The following TMEM132C variants were observed in gnomAD, a reference collection of about 807,000 sequenced individuals.
TMEM132C encodes the protein protein phosphatase 1, regulatory subunit 152.
A neutral mutation model predicts 61.4 loss-of-function variants in TMEM132C; 29 were observed. The observed-to-expected ratio is 0.47, with a 90% CI of 0.35 to 0.64. The LOEUF (loss-of-function observed/expected upper bound fraction) is 0.64. Ranked by LOEUF, TMEM132C falls within the 30% of genes least tolerant of loss-of-function variation. TMEM132C has a pLI of 0.00. For synonymous variants in TMEM132C, 656 were observed against 633.1 expected (o/e 1.04, Z -0.54); for missense variants, 1,408 against 1,476.9 (o/e 0.95, Z 0.76).
intron 3 of TMEM132C, among the ~76,000 whole-genome samples, chr12:128,553,307 C>G (rs1207301087): frequency 6.6e-6 from 1 of 151,852 alleles, no homozygotes; most frequent in Non-Finnish European, 1.5e-5. Context: ...CTTCTCCTTA[C>G]CTTTTTATTA....
intron 2 of TMEM132C, among the ~76,000 whole-genome samples, chr12:128,534,332 G>C (rs1221712192): frequency 6.6e-6 from 1 of 152,220 alleles, no homozygotes; most frequent in Non-Finnish European, 1.5e-5. Context: ...ACCAAGTCCA[G>C]CCCTTGCCTG....
intron 2 of TMEM132C, among the ~76,000 whole-genome samples, chr12:128,530,479 T>C (rs1019089647): frequency 1.2e-4 from 19 of 152,024 alleles, no homozygotes; most frequent in African/African-American, 4.6e-4. Context: ...AGTCTCACTC[T>C]GTTGCCCAGG....
intron 2 of TMEM132C, among the ~76,000 whole-genome samples, chr12:128,476,131 A>T (rs578214126): frequency 1.3e-5 from 2 of 152,324 alleles, no homozygotes; most frequent in East Asian, 3.9e-4. Context: ...GTCTCTGATC[A>T]TCCCTGCATT....
chr12:128,607,482 C>T (rs1876468685), intron 3 of TMEM132C, among the ~76,000 whole-genome samples: 1 of 152,148 alleles, frequency 6.6e-6, no homozygotes, highest in Non-Finnish European at 1.5e-5. Context: ...GGGGTTAGGG[C>T]CGAAATGGGC....
chr12:128,554,768 C>T (rs1375550957), intron 3 of TMEM132C, among the ~76,000 whole-genome samples: 3 of 152,144 alleles, frequency 2.0e-5, no homozygotes, highest in South Asian at 2.1e-4. Flanking sequence ...ATCGCACAGA[C>T]GCTCCTGTAT....
chr12:128,470,593 C>T (rs1162035389), intron 2 of TMEM132C, among the ~76,000 whole-genome samples: 1 of 152,142 alleles, frequency 6.6e-6, no homozygotes, highest in Non-Finnish European at 1.5e-5. Context: ...CAATCACATA[C>T]ACACTAAAGA....
intron 1 of TMEM132C, among the ~76,000 whole-genome samples, chr12:128,363,700 C>T (rs1012027097): frequency 6.6e-6 from 1 of 152,028 alleles, no homozygotes; most frequent in African/African-American, 2.4e-5. Flanking sequence ...AAAAAATTAG[C>T]TGGGCGTGGT....
At chr12:128,704,567 G>A (rs998272305) in intron 8 of TMEM132C, among the ~76,000 whole-genome samples, 1 of 152,178 alleles carries the variant, frequency 6.6e-6, no homozygotes, top group South Asian at 2.1e-4. Context: ...AATTCACTGG[G>A]GGCAGTGCAG....
intron 1 of TMEM132C, among the ~76,000 whole-genome samples, chr12:128,320,290 C>T (rs1278380633): frequency 6.6e-6 from 1 of 152,042 alleles, no homozygotes; most frequent in Non-Finnish European, 1.5e-5. Flanking sequence ...GTCTACAAAT[C>T]TCCATTTTGT....
chr12:128,451,733 G>A (rs550620170), intron 2 of TMEM132C, among the ~76,000 whole-genome samples: 155 of 152,248 alleles, frequency 1.0e-3, no homozygotes, highest in Non-Finnish European at 1.5e-3. Context: ...CCTGATGGGT[G>A]GGGTGAGTTT....
chr12:128,270,997 G>C (rs1870494552), intron 1 of TMEM132C, among the ~76,000 whole-genome samples: 1 of 151,984 alleles, frequency 6.6e-6, no homozygotes. Flanking sequence ...GCTCACACCT[G>C]TAATTCCAGC....
In TMEM132C at chr12:128,705,809, C is replaced by CTTTG; in HGVS notation, c.2842_2845dup (p.Ala949ValfsTer30). On this transcript the variant is annotated frameshift_variant, in exon 9 of 9. Coordinates refer to ENST00000435159, the MANE Select transcript of TMEM132C (RefSeq NM_001136103.3). LOFTEE classifies it low-confidence loss of function (END_TRUNC). ...TCGTCTTCCTGATCAACTGCGCCAC[C>CTTTG]TTTGCCCTGAAGTACAGGCACAAGC... 3.9e-6 allele frequency: 6 copies of CTTTG among 1,551,708 alleles called. No individual in the cohort carries two copies. The highest frequency in any genetic ancestry group is 5.2e-6 in the Non-Finnish European group (6 of 1,147,062).
intron 1 of TMEM132C, among the ~76,000 whole-genome samples, chr12:128,275,625 C>T (rs12832694): frequency 0.29 from 44,267 of 151,826 alleles, 7,224 homozygotes; most frequent in Middle Eastern, 0.39. Context: ...CCCCCTGGTC[C>T]GATGTAAAAT....
At chr12:128,530,504 C>T (rs1164130628) in intron 2 of TMEM132C, among the ~76,000 whole-genome samples, 19 of 151,908 alleles carry the variant, frequency 1.3e-4, no homozygotes, top group East Asian at 1.9e-4. Context: ...AGTGCAGTGG[C>T]ACAATCTCGG....
In TMEM132C at chr12:128,567,429, G is replaced by GACACACAC. The variant is rs140541188; in HGVS notation, c.1121+23366_1121+23373dup. On this transcript the variant is annotated intron_variant, in intron 3 of 8. Coordinates refer to ENST00000435159, the MANE Select transcript of TMEM132C (RefSeq NM_001136103.3). ...GATCATAAGTGTCCACATACCCATA[G>GACACACAC]ACACACACACACACACACACACACA... is the stretch of plus-strand genomic sequence containing the variant. Among the ~76,000 whole-genome samples, 33 of 136,330 alleles carry GACACACAC rather than the reference G, an allele frequency of 2.4e-4. No homozygotes were observed. The East Asian group carries it at 3.9e-3, about 16-fold the overall frequency. The allele number at this position is 136,330 out of a possible 152,430, so 89.4% of individuals were successfully genotyped here.
intron 1 of TMEM132C, among the ~76,000 whole-genome samples, chr12:128,384,585 G>T (rs1197676931): frequency 6.6e-6 from 1 of 152,194 alleles, no homozygotes; most frequent in Non-Finnish European, 1.5e-5. Context: ...AGGCCACTGT[G>T]TTGGGGACTC....
intron 1 of TMEM132C, among the ~76,000 whole-genome samples, chr12:128,334,599 CTTT>C (rs202233227): frequency 7.0e-6 from 1 of 143,352 alleles, no homozygotes; most frequent in Non-Finnish European, 1.5e-5. Context: ...TTTCACTTTC[CTTT>C]TTTTTTTTTT....
intron 2 of TMEM132C, among the ~76,000 whole-genome samples, chr12:128,485,713 C>G (rs1038001325): frequency 6.6e-6 from 1 of 152,160 alleles, no homozygotes; most frequent in African/African-American, 2.4e-5. Context: ...GGCTGAGAAA[C>G]CCTGCTCTGG....
chr12:128,627,956 T>TAGGTGC (rs1276364016), intron 4 of TMEM132C, among the ~76,000 whole-genome samples: 3 of 152,186 alleles, frequency 2.0e-5, no homozygotes, highest in South Asian at 2.1e-4. Flanking sequence ...GATGTAGGTG[T>TAGGTGC]AGGTGCAGGT....
Sources: allele counts gnomAD v4.1 joint callset (sites outside exome capture counted in the v4.1 genomes callset), GRCh38; gene constraint gnomAD v4.1.1; transcripts MANE v1.5; gene names NCBI Gene and HGNC (gene_info 2026-07-23, HGNC 2026-07-21).